Variants in FAM13C observed in about 807,000 individuals in gnomAD.
FAM13C encodes the protein family with sequence similarity 13 member C, also known as protein FAM13C.
In FAM13C, 37 loss-of-function variants were observed where a neutral mutation model predicts 73.2. That is an observed-to-expected ratio of 0.51 (90% CI 0.39 to 0.67). FAM13C has a LOEUF of 0.67. FAM13C is among the 30% of genes least tolerant of loss of function. The pLI is 0.00. For missense variants in FAM13C, 589 were observed against 715.6 expected (o/e 0.82, Z 2.02); for synonymous variants, 246 against 260.9 (o/e 0.94, Z 0.55).
At chr10:59,313,335 T>A (rs778694711) in intron 4 of FAM13C, among the ~76,000 whole-genome samples, 2 of 152,194 alleles carry the variant, frequency 1.3e-5, no homozygotes, top group Non-Finnish European at 2.9e-5. Context: ...TTGCAGAGAA[T>A]ACCAACTACA....
At chr10:59,362,870 A>C (rs2132256047), upstream of FAM13C, 1 of 220,788 alleles carries the variant, frequency 4.5e-6, no homozygotes, top group East Asian at 1.3e-4. Context: ...TACCCGGGAG[A>C]CTTGCTTTCT....
At chr10:59,321,607 C>T (rs572135559) in intron 4 of FAM13C, among the ~76,000 whole-genome samples, 73 of 152,016 alleles carry the variant, frequency 4.8e-4, no homozygotes, top group African/African-American at 1.7e-3. Context: ...ATTCATAGAC[C>T]TTCCTGAGTC....
At chr10:59,289,286 G>T (rs935037691) in intron 5 of FAM13C, among the ~76,000 whole-genome samples, 3 of 152,146 alleles carry the variant, frequency 2.0e-5, no homozygotes, top group Non-Finnish European at 4.4e-5. Flanking sequence ...GTGCAGCCCA[G>T]GTCCTAACAG....
chr10:59,344,452 T>TA lies in FAM13C; in HGVS notation c.324+7817_324+7818insT, dbSNP rs1554840572. 2.7e-5 allele frequency among the ~76,000 whole-genome samples: 4 copies of TA among 150,176 alleles called. No individual in the cohort carries two copies. The East Asian group carries it at 5.9e-4, about 22-fold the overall frequency. ...CGCCACCACGCACGGCTGATTTTTT[T>TA]TTTTTATTTTTAGTAGAGACGGGGT... On this transcript the variant is annotated intron_variant, in intron 3 of 13. Transcript: ENST00000618804.
chr10:59,325,459 C>A (rs1176734146), intron 3 of FAM13C, among the ~76,000 whole-genome samples: 1 of 152,180 alleles, frequency 6.6e-6, no homozygotes, highest in African/African-American at 2.4e-5. Context: ...AAGCCTCCAG[C>A]TTCAGATAAG....
chr10:59,313,404 C>G (rs886586543), intron 4 of FAM13C, among the ~76,000 whole-genome samples: 4 of 152,180 alleles, frequency 2.6e-5, no homozygotes, highest in African/African-American at 4.8e-5. Flanking sequence ...TGCACACGAG[C>G]AAGATCAGCA....
intron 4 of FAM13C, among the ~76,000 whole-genome samples, chr10:59,305,910 A>G (rs1848200926): frequency 3.9e-5 from 6 of 152,220 alleles, no homozygotes; most frequent in Admixed American, 3.9e-4. Context: ...TCAGTGCATC[A>G]GAAAATACAA....
chr10:59,265,621 C>T (rs947759641), intron 8 of FAM13C, among the ~76,000 whole-genome samples: 1 of 152,082 alleles, frequency 6.6e-6, no homozygotes, highest in Non-Finnish European at 1.5e-5. Context: ...ATGGTAAAAA[C>T]AAACACACAC....
At chr10:59,248,454 G>A (rs1050767933) in intron 13 of FAM13C, among the ~76,000 whole-genome samples, 1 of 152,136 alleles carries the variant, frequency 6.6e-6, no homozygotes, top group African/African-American at 2.4e-5. Flanking sequence ...GGTAATATCA[G>A]GAGTTAAAAC....
At position 59,362,475 on chromosome 10, in the gene FAM13C, C is replaced by A; in HGVS notation, c.-15G>T. The A allele has an allele frequency of 1.9e-6, 3 of 1,611,764 alleles. No homozygotes were observed. Among genetic ancestry groups the A allele is most frequent in the Non-Finnish European group, 2.5e-6 (3 of 1,178,930 alleles). Reference sequence around the variant, plus strand: ...CAAGAAAACATCAGCCAAGTCTGGCCGGGGAGCCGTCTCCCTGATTGCTCT... The same window carrying A: ...CAAGAAAACATCAGCCAAGTCTGGCAGGGGAGCCGTCTCCCTGATTGCTCT... On this transcript the variant is annotated 5_prime_UTR_variant, in exon 1 of 14. Transcript: ENST00000618804.
intron 3 of FAM13C, among the ~76,000 whole-genome samples, chr10:59,341,158 C>T (rs534247964): frequency 6.2e-4 from 95 of 152,208 alleles, no homozygotes; most frequent in Non-Finnish European, 1.1e-3. Context: ...ACACTCTAAA[C>T]GCCAATTGCT....
intron 10 of FAM13C, among the ~76,000 whole-genome samples, chr10:59,258,052 GAAT>G (rs1181438075): frequency 1.3e-5 from 2 of 152,018 alleles, no homozygotes; most frequent in Non-Finnish European, 2.9e-5. Context: ...CAGTGCTATT[GAAT>G]AATAATTTTT....
chr10:59,301,191 T>C (rs1181256424), intron 5 of FAM13C: 3 of 152,214 alleles, frequency 2.0e-5, no homozygotes, highest in Non-Finnish European at 4.4e-5. Flanking sequence ...TCTCCCAAAT[T>C]TTGGCCATAA....
chr10:59,283,274 C>T, intron 6 of FAM13C, 89 bp downstream of exon 6: 1 of 1,399,298 alleles, frequency 7.1e-7, no homozygotes, highest in South Asian at 1.2e-5. Flanking sequence ...CACTGTTTTC[C>T]CTCAGGGGCT....
At chr10:59,304,761 GAGGGAAGGGA>G (rs1191616510) in intron 4 of FAM13C, among the ~76,000 whole-genome samples, 27 of 41,156 alleles carry the variant, frequency 6.6e-4, no homozygotes, top group East Asian at 3.7e-3. Flanking sequence ...TAAATAAAAA[GAGGGAAGGGA>G]AGGGAAGGGA....
chr10:59,311,262 G>C (rs1848885100), intron 4 of FAM13C, among the ~76,000 whole-genome samples: 1 of 152,194 alleles, frequency 6.6e-6, no homozygotes, highest in Non-Finnish European at 1.5e-5. Flanking sequence ...AATTGGCAGA[G>C]TGGAGGTAAA....
At chr10:59,349,205 T>C (rs991802408) in intron 3 of FAM13C, among the ~76,000 whole-genome samples, 3 of 152,234 alleles carry the variant, frequency 2.0e-5, no homozygotes, top group African/African-American at 7.2e-5. Context: ...ATTTCTGTCA[T>C]CTATAGATGG....
intron 5 of FAM13C, chr10:59,283,768 A>T (rs1564522717): frequency 3.1e-5 from 16 of 520,942 alleles, no homozygotes; most frequent in Non-Finnish European, 6.9e-6. Flanking sequence ...TCAGCAAGAG[A>T]CGCTGCATCT....
At chr10:59,316,766 T>C (rs895264952) in intron 4 of FAM13C, among the ~76,000 whole-genome samples, 10 of 152,210 alleles carry the variant, frequency 6.6e-5, no homozygotes, top group Non-Finnish European at 4.4e-5. Flanking sequence ...TACATGTCCG[T>C]TGTTAACTGA....
Sources: gnomAD v4.1 joint callset for allele counts (sites outside exome capture counted in the v4.1 genomes callset) on GRCh38, gnomAD v4.1.1 for gene constraint, MANE v1.5 for transcripts, NCBI Gene and HGNC (gene_info 2026-07-23, HGNC 2026-07-21) for gene names.